KCNH8: variants seen among roughly 807,000 people sequenced by gnomAD.
KCNH8 encodes potassium voltage-gated channel subfamily H member 8, also known as voltage-gated delayed rectifier potassium channel KCNH8.
In KCNH8, 70 loss-of-function variants were observed where a neutral mutation model predicts 103.6. The ratio of observed to expected loss-of-function variants is 0.68; its 90% CI spans 0.56 to 0.82. The LOEUF (loss-of-function observed/expected upper bound fraction) is 0.82, where lower values mean the gene tolerates loss of function less well. Ranked by LOEUF, KCNH8 falls within the 40% of genes least tolerant of loss-of-function variation. The probability of loss-of-function intolerance (pLI) is 0.00; values close to 1 mark genes in which losing one functional copy is unlikely to be tolerated. For missense variants in KCNH8, 1,217 were observed against 1,329.9 expected, an observed-to-expected ratio of 0.92 and a Z score of 1.32; for synonymous variants, 498 against 489.4, an observed-to-expected ratio of 1.02 and a Z score of -0.23.
chr3:19,198,397 G>C (rs2063623326), intron 1 of KCNH8, among the ~76,000 whole-genome samples: 1 of 152,022 alleles, frequency 6.6e-6, no homozygotes, highest in African/African-American at 2.4e-5. Flanking sequence ...AACCAACATT[G>C]CAGTGCAAGA....
intron 11 of KCNH8, among the ~76,000 whole-genome samples, chr3:19,486,675 C>A (rs542397269): frequency 6.6e-6 from 1 of 152,282 alleles, no homozygotes; most frequent in South Asian, 2.1e-4. Flanking sequence ...CTTTAACTTA[C>A]AAAAGACTAG....
chr3:19,181,876 T>G (rs1220007032), intron 1 of KCNH8, among the ~76,000 whole-genome samples: 1 of 152,158 alleles, frequency 6.6e-6, no homozygotes. Context: ...TGGACAAGAA[T>G]AGTAATAAAA....
At chr3:19,505,510 G>A (rs1426765875) in intron 11 of KCNH8, among the ~76,000 whole-genome samples, 2 of 152,010 alleles carry the variant, frequency 1.3e-5, no homozygotes, top group African/African-American at 2.4e-5. Context: ...CTGGCTTGTC[G>A]AGTTTCTACT....
chr3:19,521,099 C>T (rs1291595478), intron 15 of KCNH8, among the ~76,000 whole-genome samples: 2 of 151,912 alleles, frequency 1.3e-5, no homozygotes, highest in Non-Finnish European at 2.9e-5. Context: ...ACAATAGGGC[C>T]ATGGGCTGTG....
intron 1 of KCNH8, among the ~76,000 whole-genome samples, chr3:19,167,918 A>T (rs1366041020): frequency 1.3e-5 from 2 of 151,574 alleles, no homozygotes; most frequent in African/African-American, 2.4e-5. Context: ...CCATTTTATT[A>T]TATGTGTAGT....
chr3:19,266,380 T>C (rs1382240812), intron 2 of KCNH8, among the ~76,000 whole-genome samples: 1 of 152,112 alleles, frequency 6.6e-6, no homozygotes, highest in Non-Finnish European at 1.5e-5. Flanking sequence ...GTGTTCCCCC[T>C]GCCAGGAATG....
At chr3:19,421,034 A>G (rs894851675) in intron 7 of KCNH8, among the ~76,000 whole-genome samples, 1 of 152,160 alleles carries the variant, frequency 6.6e-6, no homozygotes, top group African/African-American at 2.4e-5. Flanking sequence ...ACTGCAATTC[A>G]TTGTCACTGC....
At chr3:19,248,885 T>G (rs2064240564) in intron 1 of KCNH8, among the ~76,000 whole-genome samples, 2 of 152,202 alleles carry the variant, frequency 1.3e-5, no homozygotes, top group South Asian at 4.1e-4. Context: ...TATTAGGAGA[T>G]CAGACTCAGT....
intron 14 of KCNH8, 128 bp downstream of exon 14, chr3:19,515,556 A>G: frequency 4.6e-6 from 2 of 431,354 alleles, no homozygotes. Flanking sequence ...GAACCTTACC[A>G]ATACCATTGA....
chr3:19,460,103 T>C (rs776919963), intron 11 of KCNH8, among the ~76,000 whole-genome samples: 3 of 152,258 alleles, frequency 2.0e-5, no homozygotes, highest in East Asian at 1.9e-4. Context: ...AATAAGATTT[T>C]CTTTTCACAG....
chr3:19,503,947 G>C (rs2068642760), intron 11 of KCNH8, among the ~76,000 whole-genome samples: 1 of 151,322 alleles, frequency 6.6e-6, no homozygotes. Context: ...TAATAATAAA[G>C]AAAATTACTT....
intron 1 of KCNH8, among the ~76,000 whole-genome samples, chr3:19,177,888 C>A: frequency 6.6e-6 from 1 of 152,068 alleles, no homozygotes; most frequent in East Asian, 1.9e-4. Context: ...AGTCATCCAT[C>A]TTCTGACATA....
chr3:19,402,377 A>G (rs2066626234), intron 7 of KCNH8, among the ~76,000 whole-genome samples: 1 of 151,906 alleles, frequency 6.6e-6, no homozygotes, highest in Non-Finnish European at 1.5e-5. Flanking sequence ...ATCATCCTAC[A>G]GTAAATCTAC....
rs749568623 is a variant in KCNH8 at position 19,513,119 on chromosome 3, A to G, written c.2229A>G (p.Gly743=). ...CTTCTTCGCGCAACAAGAAGGTTGG[A>G]AGCAATAAAGCCTACCTGGGCTTAA... ...RGSSSRNKKV[G]SNKAYLGLSL... The change falls in exon 13 of 16, where the codon GGA becomes GGG. Residue 743 remains glycine, a synonymous_variant. Transcript: ENST00000328405. 1 of 1,613,916 alleles carries G rather than the reference A, an allele frequency of 6.2e-7. No homozygotes were observed. Among genetic ancestry groups the G allele is most frequent in the Non-Finnish European group, 8.5e-7 (1 of 1,179,944 alleles).
At chr3:19,174,285 G>A (rs773037393) in intron 1 of KCNH8, among the ~76,000 whole-genome samples, 20 of 152,040 alleles carry the variant, frequency 1.3e-4, no homozygotes, top group Non-Finnish European at 2.5e-4. Flanking sequence ...TATTACTAGG[G>A]ATTTTATTTT....
At chr3:19,232,306 C>A (rs1175552505) in intron 1 of KCNH8, among the ~76,000 whole-genome samples, 1 of 152,176 alleles carries the variant, frequency 6.6e-6, no homozygotes, top group Non-Finnish European at 1.5e-5. Context: ...ATTTCCTCAA[C>A]CATATCCTTC....
At chr3:19,264,004 T>C (rs1448164458) in intron 2 of KCNH8, among the ~76,000 whole-genome samples, 1 of 152,088 alleles carries the variant, frequency 6.6e-6, no homozygotes. Context: ...CTCAGTTGCT[T>C]TCTCCAGCTT....
intron 7 of KCNH8, among the ~76,000 whole-genome samples, chr3:19,408,593 G>A (rs2066729709): frequency 6.6e-6 from 1 of 151,930 alleles, no homozygotes; most frequent in Non-Finnish European, 1.5e-5. Context: ...CCCAAGAAAG[G>A]GTGGAAAATC....
intron 3 of KCNH8, among the ~76,000 whole-genome samples, chr3:19,339,268 A>G (rs2065626156): frequency 6.6e-6 from 1 of 152,092 alleles, no homozygotes; most frequent in Non-Finnish European, 1.5e-5. Flanking sequence ...CTGAGAAGGG[A>G]ATTGGCTTAT....
Sources: gnomAD v4.1 joint callset for allele counts (sites outside exome capture counted in the v4.1 genomes callset) on GRCh38, gnomAD v4.1.1 for gene constraint, MANE v1.5 for transcripts, NCBI Gene and HGNC (gene_info 2026-07-23, HGNC 2026-07-21) for gene names.